The following SLC16A1 variants were observed in gnomAD, a reference collection of about 807,000 sequenced individuals.
SLC16A1 encodes monocarboxylate transporter 1.
In SLC16A1, 11 loss-of-function variants were observed where a neutral mutation model predicts 32.2. That is an observed-to-expected ratio of 0.34 (90% CI 0.21 to 0.56). The LOEUF (loss-of-function observed/expected upper bound fraction) is 0.56, where lower values mean the gene tolerates loss of function less well. SLC16A1 is among the 20% of genes least tolerant of loss of function. The probability of loss-of-function intolerance (pLI) is 0.87; values close to 1 mark genes in which losing one functional copy is unlikely to be tolerated. For missense variants in SLC16A1, 435 were observed against 615.0 expected, an observed-to-expected ratio of 0.71 and a Z score of 3.10; for synonymous variants, 231 against 226.8, an observed-to-expected ratio of 1.02 and a Z score of -0.17.
chr1:112,922,384 T>C, intron 2 of SLC16A1: 1 of 512,792 alleles, frequency 2.0e-6, no homozygotes, highest in Non-Finnish European at 3.5e-6. Flanking sequence ...CCTGAAGTTA[T>C]CCTTAATCTT....
At position 112,942,947 on chromosome 1, in the gene SLC16A1, T is replaced by C. The variant is rs927233234; in HGVS notation, c.-45+13088A>G. Among the ~76,000 whole-genome samples, 4 of 152,166 alleles carry C rather than the reference T, an allele frequency of 2.6e-5. No individual in the cohort carries two copies. In the South Asian group the frequency reaches 8.3e-4, roughly 32 times the overall value. ...GGTAATGAACATAGATATACATATA[T>C]GCACGCACTTGTGTGTATATATTTA... On this transcript the variant is annotated intron_variant, in intron 1 of 4. Transcript: ENST00000369626.
chr1:112,921,019 C>T (rs2101625196), intron 3 of SLC16A1, among the ~76,000 whole-genome samples: 1 of 151,628 alleles, frequency 6.6e-6, no homozygotes, highest in East Asian at 2.0e-4. Context: ...CGGGCACCTG[C>T]AGTTCCAGGT....
Position 112,917,326 on chromosome 1 carries a change from C to T in SLC16A1, c.1080G>A (p.Ala360=). ...STTYVGFCVY[A]GFFGFAFGWL... is the part of the protein sequence containing the mutation. ...ACCCGAAGGCAAATCCAAAGAATCCCGCATAGACACAGAATCCAACATAGG... is the reference window on the plus strand; with the variant it reads ...ACCCGAAGGCAAATCCAAAGAATCCTGCATAGACACAGAATCCAACATAGG... The change falls in exon 4 of 5, where the codon GCG becomes GCA. Residue 360 remains alanine, a synonymous_variant. Transcript: ENST00000369626. This position sits in a 1 kb window ranked among gnomAD's most constrained non-coding sequence, Gnocchi z 4.1. 1 of 1,614,142 alleles carries T rather than the reference C, an allele frequency of 6.2e-7. No homozygotes were observed. The highest frequency in any genetic ancestry group is 8.5e-7 in the Non-Finnish European group (1 of 1,180,040).
At chr1:112,945,109 C>T (rs1649652037) in intron 1 of SLC16A1, among the ~76,000 whole-genome samples, 1 of 151,642 alleles carries the variant, frequency 6.6e-6, no homozygotes, top group Non-Finnish European at 1.5e-5. Flanking sequence ...AGCGAATCTC[C>T]TGCCTTAGCC....
chr1:112,950,664 G>C (rs954014504), intron 1 of SLC16A1, among the ~76,000 whole-genome samples: 1 of 152,180 alleles, frequency 6.6e-6, no homozygotes, highest in East Asian at 1.9e-4. Context: ...TGGTGGATGT[G>C]AACCCTTCTT....
At chr1:112,921,884 T>G in intron 3 of SLC16A1, 106 bp downstream of exon 3, 1 of 1,364,888 alleles carries the variant, frequency 7.3e-7, no homozygotes, top group East Asian at 2.3e-5. Context: ...TCAAGTCATT[T>G]CTATAAGAAA....
Position 112,918,054 on chromosome 1 carries a change from CAAT to C in SLC16A1, c.362-13_362-11del. The C allele has an allele frequency of 1.2e-6, 1 of 858,978 alleles. No individual in the cohort carries two copies. The highest frequency in any genetic ancestry group is 3.7e-5 in the Admixed American group (1 of 27,388). 53.2% of individuals were successfully genotyped at this position (858,978 alleles called of 1,614,324 possible). A position where few individuals can be genotyped will look rare whatever the true frequency, so the allele number is the denominator to read the frequency against. ...AAGGCAAGCCCAAGACCTGTGAAGA[CAAT>C]AAATAAATAAATAAATAAATAAATA... is the stretch of plus-strand genomic sequence containing the variant. On this transcript the variant is annotated splice_polypyrimidine_tract_variant and intron_variant, in intron 3 of 4. Transcript: ENST00000369626.
In SLC16A1 at chr1:112,914,170, A is replaced by T. The variant is rs1434420063; in HGVS notation, c.1229-5T>A. ...CATACATGTCATTGAGCCGACCTAAATATGTAAAACAACACAAACAGTTGT... is the reference window on the plus strand; with the variant it reads ...CATACATGTCATTGAGCCGACCTAATTATGTAAAACAACACAAACAGTTGT... On this transcript the variant is annotated splice_region_variant and splice_polypyrimidine_tract_variant and intron_variant, in intron 4 of 4. Coordinates refer to ENST00000369626, the MANE Select transcript of SLC16A1 (RefSeq NM_003051.4). 5 of 1,614,050 alleles carry T rather than the reference A, an allele frequency of 3.1e-6. No individual in the cohort carries two copies. The highest frequency in any genetic ancestry group is 4.2e-6 in the Non-Finnish European group (5 of 1,180,020).
chr1:112,938,093 T>C (rs1649371114), intron 1 of SLC16A1, among the ~76,000 whole-genome samples: 1 of 152,214 alleles, frequency 6.6e-6, no homozygotes. Flanking sequence ...TCTGTACACT[T>C]TCCTCATCAA....
At chr1:112,938,986 T>G (rs6537764) in intron 1 of SLC16A1, among the ~76,000 whole-genome samples, 99,098 of 151,438 alleles carry the variant, frequency 0.65, 33,754 homozygotes, top group African/African-American at 0.86. Flanking sequence ...CGCCATCCGG[T>G]TTCAAACGAT....
chr1:112,919,010 A>T (rs1214314115), intron 3 of SLC16A1, among the ~76,000 whole-genome samples: 7 of 80,514 alleles, frequency 8.7e-5, no homozygotes, highest in South Asian at 3.9e-4. Flanking sequence ...GTACTAATTT[A>T]TTTTATTTAT....
chr1:112,920,418 CAA>C (rs1648680066), intron 3 of SLC16A1, among the ~76,000 whole-genome samples: 1 of 151,968 alleles, frequency 6.6e-6, no homozygotes, highest in Non-Finnish European at 1.5e-5. Context: ...CCAGCCTGCA[CAA>C]CATAGTGAAA....
rs187723455 is a variant in SLC16A1, at chr1:112,932,199, C to T, written c.-44-2847G>A. ...TACTATAGGTTCTAGCCAGTGCATG[C>T]AGGCAAGAAAAAGAAACAAAAGGCA... On this transcript the variant is annotated intron_variant, in intron 1 of 4. Transcript: ENST00000369626. Among the ~76,000 whole-genome samples the T allele has an allele frequency of 8.5e-5, 13 of 152,132 alleles. No individual in the cohort carries two copies. In the East Asian group the frequency reaches 2.1e-3, roughly 25 times the overall value.
chr1:112,939,904 CT>C (rs1209694201), intron 1 of SLC16A1, among the ~76,000 whole-genome samples: 1 of 152,110 alleles, frequency 6.6e-6, no homozygotes, highest in Admixed American at 6.6e-5. Context: ...TGCCCATCCC[CT>C]GGCACAAAAA....
chr1:112,933,054 T>A lies in SLC16A1; in HGVS notation c.-44-3702A>T, dbSNP rs956648836. Among the ~76,000 whole-genome samples, 11 of 152,248 alleles carry A rather than the reference T, an allele frequency of 7.2e-5. 1 individual carries two copies. The highest frequency in any genetic ancestry group is 3.9e-4 in the Admixed American group (6 of 15,290). On this transcript the variant is annotated intron_variant, in intron 1 of 4. Transcript: ENST00000369626. Reference sequence around the variant, plus strand: ...AGAAATAAATCTCACAAAAGATGTATGAGATATGTACACTGAAAACTATAA... The same window carrying A: ...AGAAATAAATCTCACAAAAGATGTAAGAGATATGTACACTGAAAACTATAA...
At chr1:112,943,324 C>A (rs1207099410) in intron 1 of SLC16A1, among the ~76,000 whole-genome samples, 1 of 149,820 alleles carries the variant, frequency 6.7e-6, no homozygotes, top group African/African-American at 2.5e-5. Context: ...AGAAGACTCT[C>A]TTGAACCTGG....
intron 2 of SLC16A1, chr1:112,924,211 G>T: frequency 6.6e-7 from 1 of 1,517,152 alleles, no homozygotes; most frequent in Non-Finnish European, 9.1e-7. Context: ...GTCATCCTGG[G>T]CATGTCCAGC....
chr1:112,930,082 T>C (rs1164309934), intron 1 of SLC16A1, among the ~76,000 whole-genome samples: 2 of 152,190 alleles, frequency 1.3e-5, no homozygotes, highest in Admixed American at 1.3e-4. Flanking sequence ...CTGAGTTCTG[T>C]GAGCCTTCCT....
In SLC16A1 at chr1:112,921,875, C is replaced by G. The variant is rs958631917; in HGVS notation, c.361+115G>C. The stretch of plus-strand genomic sequence containing the variant: ...ATCTCTAGTTCTTCAAAATGATAAT[C>G]AAGTCATTTCTATAAGAAAAGAATT... On this transcript the variant is annotated intron_variant, in intron 3 of 4. Transcript: ENST00000369626. 7 of 1,261,106 alleles carry G rather than the reference C, an allele frequency of 5.6e-6. No homozygotes were observed. The African/African-American group carries it at 9.0e-5, about 16-fold the overall frequency. 78.1% of individuals were successfully genotyped at this position (1,261,106 alleles called of 1,614,324 possible). A position where few individuals can be genotyped will look rare whatever the true frequency, so the allele number is the denominator to read the frequency against.
Sources: gnomAD v4.1 joint callset for allele counts (sites outside exome capture counted in the v4.1 genomes callset) on GRCh38, gnomAD v4.1.1 for gene constraint, Gnocchi (gnomAD v3.1) non-coding constraint, MANE v1.5 for transcripts, NCBI Gene and HGNC (gene_info 2026-07-23, HGNC 2026-07-21) for gene names.